ZNF157: variants seen among roughly 807,000 people sequenced by gnomAD.
ZNF157 encodes zinc finger protein 22.
In ZNF157, 8 loss-of-function variants were observed where a neutral mutation model predicts 9.4. The ratio of observed to expected loss-of-function variants is 0.85; its 90% CI spans 0.50 to 1.53. The LOEUF (loss-of-function observed/expected upper bound fraction) is 1.53. ZNF157 is among the 40% of genes most tolerant of loss of function. The pLI is 0.00. For synonymous variants in ZNF157, 120 were observed against 130.8 expected, an observed-to-expected ratio of 0.92 and a Z score of 0.56; for missense variants, 316 against 385.2, an observed-to-expected ratio of 0.82 and a Z score of 1.50.
chrX:47,388,998 AC>A (rs1389471069), intron 1 of ZNF157, among the ~76,000 whole-genome samples: 1 of 108,905 alleles, frequency 9.2e-6, no homozygotes, highest in Non-Finnish European at 1.9e-5. Context: ...TTTAGTAGAG[AC>A]AGGGTTTTAC....
rs547819666 is a variant in ZNF157 at position 47,395,924 on chromosome X, C to T, written c.73-14352C>T. Among the ~76,000 whole-genome samples, 45 of 111,557 alleles carry T rather than the reference C, an allele frequency of 4.0e-4. No individual in the cohort carries two copies. In the South Asian group the frequency reaches 0.016, roughly 41 times the overall value. ...GAGGCTGCAGTGAGCTGTGATTGAG[C>T]CACTGCACTCCAGCCTGGGTGAGAG... On this transcript the variant is annotated intron_variant, in intron 1 of 3. Coordinates refer to ENST00000377073, the MANE Select transcript of ZNF157 (RefSeq NM_003446.4).
chrX:47,389,726 C>A (rs1454029015), intron 1 of ZNF157, among the ~76,000 whole-genome samples: 1 of 111,130 alleles, frequency 9.0e-6, no homozygotes, highest in African/African-American at 3.3e-5. Flanking sequence ...CTTGGCAAAA[C>A]CCCGTCTCTA....
intron 1 of ZNF157, chrX:47,390,994 T>C (rs2055895666): frequency 8.9e-6 from 1 of 112,157 alleles, no homozygotes; most frequent in South Asian, 3.7e-4. Context: ...CTTCTCAATT[T>C]CCCTCTTGAT....
At chrX:47,385,228 T>C (rs2055876033) in intron 1 of ZNF157, among the ~76,000 whole-genome samples, 1 of 112,133 alleles carries the variant, frequency 8.9e-6, no homozygotes, top group Non-Finnish European at 1.9e-5. Context: ...TCATAACTCT[T>C]TGAAGATTTA....
chrX:47,412,478 A>G lies in ZNF157; in HGVS notation c.405A>G (p.Glu135=). The G allele has an allele frequency of 1.7e-6, 2 of 1,211,949 alleles. No individual in the cohort carries two copies. The highest frequency in any genetic ancestry group is 2.2e-6 in the Non-Finnish European group (2 of 895,403). The change falls in exon 4 of 4, where the codon GAA becomes GAG. Residue 135 remains glutamate (E), a synonymous_variant. Coordinates refer to ENST00000377073, the MANE Select transcript of ZNF157 (RefSeq NM_003446.4). The part of the protein sequence containing the change: ...QKIQTLDQNV[E]YNGCRKAFHE... ...TTCAAACATTGGATCAAAATGTTGA[A>G]TATAATGGATGCAGGAAAGCCTTCC...
chrX:47,392,997 A>G (rs1283460920), intron 1 of ZNF157, among the ~76,000 whole-genome samples: 1 of 110,827 alleles, frequency 9.0e-6, no homozygotes, highest in Non-Finnish European at 1.9e-5. Flanking sequence ...TCTATTAAAA[A>G]TACAAAAATT....
chrX:47,410,228 C>T (rs372927764), intron 1 of ZNF157, 48 bp from the exon 2 acceptor site: 83 of 1,206,143 alleles, frequency 6.9e-5, no homozygotes, highest in Non-Finnish European at 9.0e-5. Flanking sequence ...AGTTCCTGCA[C>T]ATCTTTTTCA....
intron 1 of ZNF157, among the ~76,000 whole-genome samples, chrX:47,396,569 G>A (rs1184776037): frequency 9.0e-6 from 1 of 111,109 alleles, no homozygotes; most frequent in Non-Finnish European, 1.9e-5. Flanking sequence ...TTTATATATA[G>A]TCGTAATTTA....
At chrX:47,401,575 C>A (rs746061194) in intron 1 of ZNF157, among the ~76,000 whole-genome samples, 1 of 111,745 alleles carries the variant, frequency 8.9e-6, no homozygotes, top group Non-Finnish European at 1.9e-5. Context: ...GCAGTGACAG[C>A]AGTTCATTTT....
chrX:47,393,152 CA>C (rs61498630), intron 1 of ZNF157, among the ~76,000 whole-genome samples: 5 of 95,771 alleles, frequency 5.2e-5, no homozygotes, highest in African/African-American at 7.6e-5. Context: ...GAGACTGTCT[CA>C]AAAAAAAAAA....
chrX:47,398,207 A>G (rs2147409834), intron 1 of ZNF157, among the ~76,000 whole-genome samples: 1 of 110,844 alleles, frequency 9.0e-6, no homozygotes, highest in East Asian at 2.9e-4. Flanking sequence ...CACACCATAT[A>G]TTAAATGCGG....
rs1569258580 is a variant in ZNF157, at chrX:47,393,745, T to TCCC, written c.73-16531_73-16530insCCC. ...CATCCCCGCCACCCTCCCCCGCCCT[T>TCCC]TTTTTTTTTTTTAGACAAAGTCTTG... On this transcript the variant is annotated intron_variant, in intron 1 of 3. Coordinates refer to ENST00000377073, the MANE Select transcript of ZNF157 (RefSeq NM_003446.4). Among the ~76,000 whole-genome samples the TCCC allele has an allele frequency of 5.1e-4, 25 of 48,907 alleles. 2 individuals carry two copies. The highest frequency in any genetic ancestry group is 1.6e-3 in the Admixed American group (6 of 3,823). The allele number at this position is 48,907 out of a possible 115,157, so 42.5% of individuals were successfully genotyped here.
At chrX:47,411,264 C>T (rs766019074) in intron 3 of ZNF157, among the ~76,000 whole-genome samples, 2 of 111,382 alleles carry the variant, frequency 1.8e-5, no homozygotes, top group Non-Finnish European at 3.8e-5. Context: ...GCTGGGATTA[C>T]AGGTGTGAGC....
chrX:47,387,215 C>T (rs758043541), intron 1 of ZNF157, among the ~76,000 whole-genome samples: 95 of 110,105 alleles, frequency 8.6e-4, no homozygotes, highest in African/African-American at 3.0e-3. Flanking sequence ...CTCCGCCTCC[C>T]GGATTCAAGT....
At chrX:47,377,809 C>G (rs1457234153) in intron 1 of ZNF157, among the ~76,000 whole-genome samples, 1 of 106,315 alleles carries the variant, frequency 9.4e-6, no homozygotes, top group Non-Finnish European at 1.9e-5. Context: ...TTGCAATTCT[C>G]TAGTGACATG....
intron 1 of ZNF157, among the ~76,000 whole-genome samples, chrX:47,378,262 C>T (rs191609135): frequency 4.5e-5 from 5 of 110,788 alleles, no homozygotes; most frequent in African/African-American, 9.8e-5. Context: ...AAGACCAGAT[C>T]GAGCCAGTTT....
At chrX:47,393,746 T>TCCCCC (rs1411531595) in intron 1 of ZNF157, among the ~76,000 whole-genome samples, 2 of 61,843 alleles carry the variant, frequency 3.2e-5, no homozygotes, top group African/African-American at 6.2e-5. Context: ...CCCCGCCCTT[T>TCCCCC]TTTTTTTTTT....
intron 1 of ZNF157, among the ~76,000 whole-genome samples, chrX:47,377,748 T>TAAAAA (rs774493260): frequency 1.0e-5 from 1 of 96,795 alleles, no homozygotes. Flanking sequence ...TTTTTTTTTT[T>TAAAAA]AAAAAAAACC....
chrX:47,387,511 C>A (rs1441693175), intron 1 of ZNF157, among the ~76,000 whole-genome samples: 1 of 110,280 alleles, frequency 9.1e-6, no homozygotes, highest in Non-Finnish European at 1.9e-5. Context: ...CCCATCCCAG[C>A]CTCCCAAAGT....
Sources: allele counts gnomAD v4.1 joint callset (sites outside exome capture counted in the v4.1 genomes callset), GRCh38; gene constraint gnomAD v4.1.1; transcripts MANE v1.5; gene names NCBI Gene and HGNC (gene_info 2026-07-23, HGNC 2026-07-21).